CRACD: variants seen among roughly 807,000 people sequenced by gnomAD.
CRACD encodes capping protein inhibiting regulator of actin dynamics.
Under a neutral mutation model 106.8 loss-of-function variants are expected in CRACD, and 56 were observed. The ratio of observed to expected loss-of-function variants is 0.52; its 90% CI spans 0.42 to 0.66. The LOEUF is 0.66. Ranked by LOEUF, CRACD falls within the 30% of genes least tolerant of loss-of-function variation. The probability of loss-of-function intolerance (pLI) is 0.00; values close to 1 mark genes in which losing one functional copy is unlikely to be tolerated. For synonymous variants in CRACD, 754 were observed against 670.8 expected, an observed-to-expected ratio of 1.12 and a Z score of -1.92; for missense variants, 1,730 against 1,623.2, an observed-to-expected ratio of 1.07 and a Z score of -1.13.
At chr4:56,289,499 C>A (rs1306727642) in intron 3 of CRACD, among the ~76,000 whole-genome samples, 1 of 151,812 alleles carries the variant, frequency 6.6e-6, no homozygotes, top group Non-Finnish European at 1.5e-5. Flanking sequence ...TGGCAAGATC[C>A]CATCTTTATG....
intron 1 of CRACD, among the ~76,000 whole-genome samples, chr4:56,168,367 G>A (rs369596531): frequency 4.0e-5 from 6 of 151,828 alleles, no homozygotes; most frequent in Non-Finnish European, 5.9e-5. Flanking sequence ...ATTGTGAACC[G>A]ACCTTGCATT....
chr4:56,064,710 T>C (rs1318229417), intron 1 of CRACD, among the ~76,000 whole-genome samples: 1 of 152,246 alleles, frequency 6.6e-6, no homozygotes, highest in Non-Finnish European at 1.5e-5. Context: ...TCCCTCTTTT[T>C]TCTTTCACTC....
At chr4:56,234,989 T>C (rs1374681886) in intron 2 of CRACD, among the ~76,000 whole-genome samples, 2 of 152,212 alleles carry the variant, frequency 1.3e-5, no homozygotes, top group Non-Finnish European at 1.5e-5. Flanking sequence ...ATCTAATTCA[T>C]AGGGTAGAGT....
At chr4:56,152,573 T>A (rs995942352) in intron 1 of CRACD, among the ~76,000 whole-genome samples, 1 of 151,828 alleles carries the variant, frequency 6.6e-6, no homozygotes, top group African/African-American at 2.4e-5. Context: ...TCTCTTTTTT[T>A]AAAAAAAGCA....
chr4:56,175,722 C>T (rs1273614764), intron 1 of CRACD, among the ~76,000 whole-genome samples: 9 of 152,138 alleles, frequency 5.9e-5, no homozygotes, highest in Admixed American at 5.9e-4. Flanking sequence ...CAAATGTTTT[C>T]TCACATTCTG....
chr4:56,151,321 T>G (rs779680881), intron 1 of CRACD, among the ~76,000 whole-genome samples: 23 of 152,152 alleles, frequency 1.5e-4, no homozygotes, highest in Non-Finnish European at 2.8e-4. Context: ...TTTCATATCC[T>G]CACAAATAGT....
intron 1 of CRACD, among the ~76,000 whole-genome samples, chr4:56,137,156 A>G (rs1486717810): frequency 2.6e-5 from 4 of 152,116 alleles, no homozygotes; most frequent in Non-Finnish European, 5.9e-5. Context: ...CACATCAGGC[A>G]TGTGGTAGTG....
At chr4:56,238,145 A>G (rs1192305125) in intron 2 of CRACD, among the ~76,000 whole-genome samples, 1 of 152,216 alleles carries the variant, frequency 6.6e-6, no homozygotes, top group African/African-American at 2.4e-5. Flanking sequence ...TCTGTAGTCC[A>G]GATAGGGCTC....
chr4:56,158,887 CG>C (rs1266605987), intron 1 of CRACD, among the ~76,000 whole-genome samples: 1 of 152,256 alleles, frequency 6.6e-6, no homozygotes, highest in East Asian at 1.9e-4. Context: ...CAAGCCTGCA[CG>C]CTTTCTCCCC....
intron 1 of CRACD, among the ~76,000 whole-genome samples, chr4:56,069,670 A>G (rs1372466239): frequency 6.6e-6 from 1 of 152,218 alleles, no homozygotes; most frequent in Admixed American, 6.5e-5. Flanking sequence ...GGAACATTAT[A>G]TATCAGGGAA....
chr4:56,310,884 G>T, intron 6 of CRACD, 150 bp downstream of exon 6: 1 of 592,844 alleles, frequency 1.7e-6, no homozygotes, highest in East Asian at 2.9e-5. Context: ...TGCCACTAGT[G>T]ACAGATGTTG....
intron 1 of CRACD, among the ~76,000 whole-genome samples, chr4:56,159,421 C>T (rs1028829726): frequency 6.6e-6 from 1 of 152,132 alleles, no homozygotes; most frequent in East Asian, 1.9e-4. Context: ...GAGGCCGAGG[C>T]GGGTGGATCA....
chr4:56,214,110 T>A (rs961995406), intron 2 of CRACD, among the ~76,000 whole-genome samples: 2 of 152,134 alleles, frequency 1.3e-5, no homozygotes, highest in Non-Finnish European at 2.9e-5. Flanking sequence ...AGAAATTGAT[T>A]TCTCACAGTT....
At chr4:56,301,160 T>A in intron 4 of CRACD, 2 of 1,017,358 alleles carry the variant, frequency 2.0e-6, no homozygotes, top group Non-Finnish European at 2.6e-6. Flanking sequence ...AAAATGTGAT[T>A]TTTTTTTTGG....
intron 9 of CRACD, 136 bp downstream of exon 9, chr4:56,323,703 CACCATTAA>C: frequency 2.4e-6 from 2 of 829,556 alleles, no homozygotes; most frequent in Middle Eastern, 7.5e-4. Context: ...ATAAACTGAC[CACCATTAA>C]ACCAGGGAAG....
intron 1 of CRACD, among the ~76,000 whole-genome samples, chr4:56,085,604 C>T (rs898342584): frequency 6.6e-6 from 1 of 152,184 alleles, no homozygotes; most frequent in Non-Finnish European, 1.5e-5. Context: ...TACATACGGT[C>T]TCTGTTGAGT....
intron 4 of CRACD, among the ~76,000 whole-genome samples, chr4:56,298,659 G>A (rs373896385): frequency 1.3e-5 from 2 of 152,274 alleles, no homozygotes; most frequent in Non-Finnish European, 1.5e-5. Context: ...GGGGCCAGGC[G>A]CGGTGGCTCA....
chr4:56,115,926 G>T (rs905444409), intron 1 of CRACD, among the ~76,000 whole-genome samples: 4 of 152,152 alleles, frequency 2.6e-5, no homozygotes, highest in Non-Finnish European at 4.4e-5. Flanking sequence ...AGAATTCTGA[G>T]GTTACTGCTG....
At chr4:56,313,549 C>T (rs1052097139) in intron 7 of CRACD, among the ~76,000 whole-genome samples, 170 bp downstream of exon 7, 4 of 152,334 alleles carry the variant, frequency 2.6e-5, no homozygotes, top group South Asian at 4.1e-4. Context: ...TTACTTTCCT[C>T]GCCCTTTCTG....
Sources: allele counts gnomAD v4.1 joint callset (sites outside exome capture counted in the v4.1 genomes callset), GRCh38; gene constraint gnomAD v4.1.1; transcripts MANE v1.5; gene names NCBI Gene and HGNC (gene_info 2026-07-23, HGNC 2026-07-21).